The following CTNNA3 variants were observed in gnomAD, a reference collection of about 807,000 sequenced individuals.
CTNNA3 encodes catenin alpha-3.
Under a neutral mutation model 95.7 loss-of-function variants are expected in CTNNA3, and 76 were observed. The observed-to-expected ratio is 0.79, with a 90% CI of 0.66 to 0.96. CTNNA3 has a LOEUF of 0.96. Ranked by LOEUF, CTNNA3 falls within the 40% of genes least tolerant of loss-of-function variation. The pLI is 0.00. For synonymous variants in CTNNA3, 431 were observed against 374.4 expected (o/e 1.15, Z -1.74); for missense variants, 1,191 against 1,089.8 (o/e 1.09, Z -1.31).
At chr10:66,953,708 C>T (rs1230640695) in intron 7 of CTNNA3, among the ~76,000 whole-genome samples, 1 of 152,052 alleles carries the variant, frequency 6.6e-6, no homozygotes, top group African/African-American at 2.4e-5. Flanking sequence ...TAGATATCAT[C>T]CAGATTGTGC....
At chr10:66,414,068 A>C (rs1589216643) in intron 11 of CTNNA3, among the ~76,000 whole-genome samples, 1 of 152,270 alleles carries the variant, frequency 6.6e-6, no homozygotes, top group East Asian at 1.9e-4. Context: ...TATTCTCCTA[A>C]ATTTATTCTT....
intron 13 of CTNNA3, among the ~76,000 whole-genome samples, chr10:66,274,266 C>T (rs551956392): frequency 1.3e-5 from 2 of 152,132 alleles, no homozygotes; most frequent in East Asian, 3.9e-4. Context: ...AATTTTATAC[C>T]ATTTTCATGA....
At chr10:66,879,585 G>C (rs893455157) in intron 7 of CTNNA3, among the ~76,000 whole-genome samples, 1 of 152,056 alleles carries the variant, frequency 6.6e-6, no homozygotes, top group Non-Finnish European at 1.5e-5. Flanking sequence ...TTCTGCAAGT[G>C]ACCTAGTAGA....
intron 13 of CTNNA3, among the ~76,000 whole-genome samples, chr10:66,194,471 T>C (rs1483253293): frequency 6.6e-6 from 1 of 152,076 alleles, no homozygotes; most frequent in Non-Finnish European, 1.5e-5. Context: ...TCCTAGCTAC[T>C]TGGGAGGCTG....
At chr10:66,077,453 G>C (rs575604922) in intron 14 of CTNNA3, among the ~76,000 whole-genome samples, 2 of 151,380 alleles carry the variant, frequency 1.3e-5, no homozygotes, top group African/African-American at 4.8e-5. Flanking sequence ...ACCACTTTTC[G>C]GACTTTCCTG....
At chr10:66,508,236 TGACTCTCAGAGTCTAAGACTTCA>T (rs1840533668) in intron 11 of CTNNA3, among the ~76,000 whole-genome samples, 2 of 149,674 alleles carry the variant, frequency 1.3e-5, no homozygotes, top group African/African-American at 4.9e-5. Flanking sequence ...ACAATTTCGT[TGACTCTCAGAGTCTAAGACTTCA>T]GGGCTGGGAC....
chr10:67,343,975 T>C (rs1842317279), intron 5 of CTNNA3, among the ~76,000 whole-genome samples: 1 of 149,244 alleles, frequency 6.7e-6, no homozygotes, highest in Non-Finnish European at 1.5e-5. Context: ...AGTATAATAC[T>C]ATAGCTTTTA....
chr10:66,993,516 T>G lies in CTNNA3; in HGVS notation c.1047+186801A>C, dbSNP rs1024387695. Reference sequence around the variant, plus strand: ...GACAAGCCTTATCATTTCATTAGGCTTCTTCAACACCATTTTGGACCCTTT... The same window carrying G: ...GACAAGCCTTATCATTTCATTAGGCGTCTTCAACACCATTTTGGACCCTTT... On this transcript the variant is annotated intron_variant, in intron 7 of 17. Transcript: ENST00000433211. 1.5e-4 allele frequency among the ~76,000 whole-genome samples: 23 copies of G among 152,128 alleles called. 1 individual carries two copies. The highest frequency in any genetic ancestry group is 5.5e-4 in the African/African-American group (23 of 41,450).
At chr10:66,714,580 C>T (rs556398485) in intron 9 of CTNNA3, among the ~76,000 whole-genome samples, 23 of 152,242 alleles carry the variant, frequency 1.5e-4, no homozygotes, top group African/African-American at 5.1e-4. Flanking sequence ...TCTTTCTAAA[C>T]CATTCACCAT....
At chr10:67,492,408 A>G (rs1251657209) in intron 5 of CTNNA3, among the ~76,000 whole-genome samples, 1 of 152,198 alleles carries the variant, frequency 6.6e-6, no homozygotes, top group Non-Finnish European at 1.5e-5. Flanking sequence ...AAAATAGTAT[A>G]TACAAACCTC....
chr10:67,585,028 GC>G (rs1037339380), intron 3 of CTNNA3, among the ~76,000 whole-genome samples: 5 of 152,320 alleles, frequency 3.3e-5, no homozygotes, highest in African/African-American at 9.6e-5. Context: ...GTTAGGCGAT[GC>G]CCCGCCCTGC....
intron 15 of CTNNA3, among the ~76,000 whole-genome samples, chr10:66,037,014 A>G (rs1424089762): frequency 1.3e-5 from 2 of 151,752 alleles, no homozygotes; most frequent in Non-Finnish European, 2.9e-5. Context: ...CTGGGACTAC[A>G]GGCACCCGCC....
At chr10:65,953,600 T>C (rs2077665996) in intron 17 of CTNNA3, among the ~76,000 whole-genome samples, 1 of 152,078 alleles carries the variant, frequency 6.6e-6, no homozygotes, top group African/African-American at 2.4e-5. Context: ...GTATTCTCAT[T>C]GTTCAATTCC....
At chr10:67,265,854 G>A (rs988579860) in intron 5 of CTNNA3, among the ~76,000 whole-genome samples, 1 of 152,082 alleles carries the variant, frequency 6.6e-6, no homozygotes, top group Non-Finnish European at 1.5e-5. Flanking sequence ...CTGACCTGCC[G>A]CAGAGAAAAA....
At chr10:65,933,551 G>A (rs772128576) in intron 17 of CTNNA3, among the ~76,000 whole-genome samples, 6 of 152,060 alleles carry the variant, frequency 3.9e-5, no homozygotes, top group Non-Finnish European at 7.4e-5. Context: ...GCAAAAAAAC[G>A]AAAAGTAAAC....
chr10:66,723,237 T>C (rs1323721035), intron 9 of CTNNA3, among the ~76,000 whole-genome samples: 9 of 152,192 alleles, frequency 5.9e-5, no homozygotes, highest in South Asian at 2.1e-4. Context: ...AGATACATGA[T>C]AGTTGTTTCT....
intron 15 of CTNNA3, among the ~76,000 whole-genome samples, chr10:66,047,808 C>A (rs776274648): frequency 2.0e-5 from 3 of 152,114 alleles, no homozygotes; most frequent in Non-Finnish European, 4.4e-5. Context: ...GTACAAAAAT[C>A]GCTAGCATTC....
At chr10:66,315,272 G>A (rs1230798652) in intron 12 of CTNNA3, among the ~76,000 whole-genome samples, 2 of 151,866 alleles carry the variant, frequency 1.3e-5, no homozygotes, top group African/African-American at 4.8e-5. Context: ...CTTCTATCCT[G>A]GCCCCACTTC....
chr10:66,756,826 A>C (rs1839379450), intron 9 of CTNNA3, among the ~76,000 whole-genome samples: 1 of 152,144 alleles, frequency 6.6e-6, no homozygotes, highest in East Asian at 1.9e-4. Flanking sequence ...CGTCCTCTAG[A>C]TCTTATAGAC....
Sources: allele counts gnomAD v4.1 joint callset (sites outside exome capture counted in the v4.1 genomes callset), GRCh38; gene constraint gnomAD v4.1.1; transcripts MANE v1.5; gene names NCBI Gene and HGNC (gene_info 2026-07-23, HGNC 2026-07-21).